Variants in TRERF1 observed in about 807,000 individuals in gnomAD.
TRERF1 encodes transcriptional-regulating factor 1.
In TRERF1, 27 loss-of-function variants were observed where a neutral mutation model predicts 122.9. The observed-to-expected ratio is 0.22, with a 90% CI of 0.16 to 0.30. The LOEUF is 0.30. Ranked by LOEUF, TRERF1 falls within the 10% of genes least tolerant of loss-of-function variation. TRERF1 has a pLI of 1.00. For missense variants in TRERF1, 1,248 were observed against 1,560.3 expected (o/e 0.80, Z 3.37); for synonymous variants, 636 against 641.7 (o/e 0.99, Z 0.13).
intron 15 of TRERF1, among the ~76,000 whole-genome samples, chr6:42,240,354 C>T (rs1200006854): frequency 6.6e-6 from 1 of 152,202 alleles, no homozygotes; most frequent in Admixed American, 6.5e-5. Context: ...AGACCATATT[C>T]TCTGATTTTG....
rs142184147 is a variant in TRERF1, at chr6:42,259,645, G to C, written c.1963C>G (p.Arg655Gly). The C allele has an allele frequency of 3.7e-6, 6 of 1,612,708 alleles. No individual in the cohort carries two copies. Among genetic ancestry groups the C allele is most frequent in the Non-Finnish European group, 5.1e-6 (6 of 1,179,996 alleles). ...ATGAAGAGAGGTTCCGGCCGGTGCC[G>C]GAACTTTTTCTTCTCCTGCACGGTC... The change falls in exon 9 of 18, where the codon CGG becomes GGG. Residue 655 changes from arginine (R) to glycine (G), a missense_variant. Around this residue, in one of 5 missense-constraint regions of TRERF1, gnomAD observed 946 missense variants for 1,073.0 expected, o/e 0.88. Transcript: ENST00000372922. This position sits in a 1 kb window ranked among gnomAD's most constrained non-coding sequence, Gnocchi z 4.9.
At chr6:42,425,150 G>A (rs1248541277) in intron 2 of TRERF1, among the ~76,000 whole-genome samples, 3 of 152,260 alleles carry the variant, frequency 2.0e-5, no homozygotes, top group Non-Finnish European at 4.4e-5. Flanking sequence ...TGGGGGCAAA[G>A]TCCACTCTGG....
intron 2 of TRERF1, among the ~76,000 whole-genome samples, chr6:42,435,097 C>T (rs926696813): frequency 2.0e-5 from 3 of 151,372 alleles, no homozygotes; most frequent in Non-Finnish European, 4.4e-5. Flanking sequence ...TACCATTGCA[C>T]TCCAGCCTGG....
intron 4 of TRERF1, among the ~76,000 whole-genome samples, chr6:42,290,299 A>T (rs55859369): frequency 0.081 from 12,387 of 152,206 alleles, 571 homozygotes; most frequent in African/African-American, 0.12. Context: ...ATGACAGAGG[A>T]AGGCAGGGAG....
chr6:42,297,517 C>T (rs936027630), intron 4 of TRERF1, among the ~76,000 whole-genome samples: 1 of 152,148 alleles, frequency 6.6e-6, no homozygotes, highest in Non-Finnish European at 1.5e-5. Flanking sequence ...AAAATTCATT[C>T]GACTTGGTGA....
intron 17 of TRERF1, among the ~76,000 whole-genome samples, chr6:42,231,741 C>T (rs1281574926): frequency 6.6e-6 from 1 of 152,136 alleles, no homozygotes; most frequent in Non-Finnish European, 1.5e-5. Flanking sequence ...CCCATCTTAC[C>T]ATCAATGGCA....
intron 2 of TRERF1, among the ~76,000 whole-genome samples, chr6:42,432,504 T>C (rs1003264892): frequency 2.0e-5 from 3 of 151,894 alleles, no homozygotes; most frequent in Non-Finnish European, 4.4e-5. Flanking sequence ...AAAATGTGAG[T>C]AGATCATAAA....
At chr6:42,307,432 C>A (rs1049211241) in intron 3 of TRERF1, among the ~76,000 whole-genome samples, 4 of 151,940 alleles carry the variant, frequency 2.6e-5, no homozygotes, top group Admixed American at 6.6e-5. Flanking sequence ...TAAAACAGGC[C>A]CAGCTCTATA....
At chr6:42,315,898 T>A (rs1762414518) in intron 3 of TRERF1, among the ~76,000 whole-genome samples, 1 of 152,044 alleles carries the variant, frequency 6.6e-6, no homozygotes, top group Non-Finnish European at 1.5e-5. Flanking sequence ...GGGGGTGCTC[T>A]CCTTTCAGGG....
intron 4 of TRERF1, among the ~76,000 whole-genome samples, chr6:42,285,172 T>C (rs1485519664): frequency 2.0e-5 from 3 of 152,184 alleles, no homozygotes; most frequent in Non-Finnish European, 2.9e-5. Flanking sequence ...CAGTGGTTTG[T>C]AGTTCTCCTT....
chr6:42,336,502 C>A (rs1766210903), intron 3 of TRERF1, among the ~76,000 whole-genome samples: 1 of 152,124 alleles, frequency 6.6e-6, no homozygotes, highest in Non-Finnish European at 1.5e-5. Context: ...CTGCAGACTG[C>A]CTTATTTCAC....
chr6:42,435,904 C>T (rs1037008910), intron 2 of TRERF1, among the ~76,000 whole-genome samples: 2 of 151,762 alleles, frequency 1.3e-5, no homozygotes, highest in African/African-American at 4.8e-5. Flanking sequence ...CATTTGAACC[C>T]AGGAGGCGGA....
intron 2 of TRERF1, among the ~76,000 whole-genome samples, chr6:42,400,363 A>T (rs1779210327): frequency 6.6e-6 from 1 of 152,242 alleles, no homozygotes; most frequent in African/African-American, 2.4e-5. Flanking sequence ...GGAGTAAGGC[A>T]GCTAGATAAT....
Position 42,263,377 on chromosome 6 carries a change from G to A in TRERF1, c.1827C>T (p.Ala609=). Residue 609 remains alanine (A), a synonymous_variant, in exon 8 of 18, where the codon GCC becomes GCT. Transcript: ENST00000372922. This position sits in a 1 kb window ranked among gnomAD's most constrained non-coding sequence, Gnocchi z 5.6. ...TGGCTGGCTTGTCTCTGGCGGAGGGGGCGGCAACGGTGCTGTTGGTGAACC... is the reference window on the plus strand; with the variant it reads ...TGGCTGGCTTGTCTCTGGCGGAGGGAGCGGCAACGGTGCTGTTGGTGAACC... The A allele has an allele frequency of 6.2e-7, 1 of 1,613,036 alleles. No homozygotes were observed. The highest frequency in any genetic ancestry group is 8.5e-7 in the Non-Finnish European group (1 of 1,179,622).
At chr6:42,227,304 T>G (rs1383072368) in exon 18 of TRERF1, 1 of 152,252 alleles carries the variant, frequency 6.6e-6, no homozygotes, top group Non-Finnish European at 1.5e-5. Flanking sequence ...CAAGGTAAAC[T>G]TCAGTCCAGC....
intron 2 of TRERF1, among the ~76,000 whole-genome samples, chr6:42,408,227 ATGTGTGTGTG>A (rs70987593): frequency 0.062 from 7,236 of 116,050 alleles, 435 homozygotes; most frequent in African/African-American, 0.16. Flanking sequence ...ATATATATAT[ATGTGTGTGTG>A]TATGTATATA....
At chr6:42,436,889 A>T (rs1002813542) in intron 2 of TRERF1, among the ~76,000 whole-genome samples, 1 of 146,492 alleles carries the variant, frequency 6.8e-6, no homozygotes, top group African/African-American at 2.5e-5. Flanking sequence ...TCAGTGAAAA[A>T]GTCTTAACAC....
intron 8 of TRERF1, among the ~76,000 whole-genome samples, chr6:42,260,550 G>A (rs1424384314): frequency 6.6e-6 from 1 of 152,154 alleles, no homozygotes; most frequent in African/African-American, 2.4e-5. Context: ...AAACAGACTC[G>A]GGTTGTGTGG....
chr6:42,296,768 G>C (rs929393148), intron 4 of TRERF1, among the ~76,000 whole-genome samples: 1 of 152,220 alleles, frequency 6.6e-6, no homozygotes, highest in Non-Finnish European at 1.5e-5. Flanking sequence ...GAGAAGGAGA[G>C]AGTAGCATAA....
Sources: gnomAD v4.1 joint callset for allele counts (sites outside exome capture counted in the v4.1 genomes callset) on GRCh38, gnomAD v4.1.1 for gene constraint, gnomAD v4.1.1 regional missense constraint, Gnocchi (gnomAD v3.1) non-coding constraint, MANE v1.5 for transcripts, NCBI Gene and HGNC (gene_info 2026-07-23, HGNC 2026-07-21) for gene names.